JAK2: variants seen among roughly 807,000 people sequenced by gnomAD.
JAK2 encodes Janus kinase 2.
A neutral mutation model predicts 139.3 loss-of-function variants in JAK2; 86 were observed. The ratio of observed to expected loss-of-function variants is 0.62; its 90% confidence interval spans 0.52 to 0.74. JAK2 has a LOEUF of 0.74. Among genes scored for constraint, JAK2 ranks in the 30% least tolerant of loss-of-function variants. The pLI is 0.00. For missense variants in JAK2, 1,421 were observed against 1,360.3 expected (o/e 1.04, Z -0.70); for synonymous variants, 490 against 437.7 (o/e 1.12, Z -1.49).
chr9:5,024,052 C>T (rs947822994), intron 3 of JAK2, among the ~76,000 whole-genome samples: 6 of 151,912 alleles, frequency 3.9e-5, no homozygotes, highest in Non-Finnish European at 7.4e-5. Context: ...ATCAGGAGAT[C>T]GAGATCATCC....
intron 2 of JAK2, among the ~76,000 whole-genome samples, chr9:4,993,227 C>G (rs1410776793): frequency 6.6e-6 from 1 of 152,110 alleles, no homozygotes; most frequent in East Asian, 1.9e-4. Context: ...GGGACAACAC[C>G]CTTAAGATCC....
intron 8 of JAK2, among the ~76,000 whole-genome samples, chr9:5,063,664 T>C (rs7036476): frequency 0.34 from 51,756 of 152,098 alleles, 9,402 homozygotes; most frequent in African/African-American, 0.48. Context: ...TGGTTAATCT[T>C]CTATATATTT....
Position 5,112,863 on chromosome 9 carries a change from G to A in JAK2, c.3060-10141G>A, listed in dbSNP as rs1464213381. The A allele has an allele frequency of 1.5e-5, 7 of 461,420 alleles. No homozygotes were observed. The East Asian group carries it at 1.9e-4, about 13-fold the overall frequency. 28.6% of individuals were successfully genotyped at this position (461,420 alleles called of 1,614,324 possible). On this transcript the variant is annotated intron_variant, in intron 22 of 24. Coordinates refer to ENST00000381652, the MANE Select transcript of JAK2 (RefSeq NM_004972.4). ...GGGCACGTGTGAAAGGTACGCCTCCGTGGGACGAGCCACCCGCCCTCAGCC... is the reference window on the plus strand; with the variant it reads ...GGGCACGTGTGAAAGGTACGCCTCCATGGGACGAGCCACCCGCCCTCAGCC...
intron 2 of JAK2, among the ~76,000 whole-genome samples, chr9:5,013,361 T>C (rs1000336962): frequency 1.3e-5 from 2 of 152,234 alleles, no homozygotes; most frequent in Non-Finnish European, 2.9e-5. Flanking sequence ...AAAATTTTGG[T>C]ATACTAAAGA....
At chr9:5,074,405 G>T (rs143285975) in intron 14 of JAK2, among the ~76,000 whole-genome samples, 4,922 of 152,182 alleles carry the variant, frequency 0.032, 107 homozygotes, top group Non-Finnish European at 0.049. Flanking sequence ...TTTCCCAACA[G>T]CATGTGCTCA....
intron 8 of JAK2, among the ~76,000 whole-genome samples, chr9:5,062,447 C>T (rs1224785697): frequency 7.5e-6 from 1 of 133,314 alleles, no homozygotes; most frequent in Admixed American, 8.5e-5. Flanking sequence ...GGAAAAATTG[C>T]ACTGATAGAC....
chr9:4,994,350 A>G (rs1820439357), intron 2 of JAK2, among the ~76,000 whole-genome samples: 1 of 152,198 alleles, frequency 6.6e-6, no homozygotes, highest in Non-Finnish European at 1.5e-5. Context: ...GGTTCTTATC[A>G]GAATTACCTA....
Position 5,016,040 on chromosome 9 carries a change from T to C in JAK2, c.-25-5923T>C, listed in dbSNP as rs1302505001. Among the ~76,000 whole-genome samples, 6 of 152,214 alleles carry C rather than the reference T, an allele frequency of 3.9e-5. No individual in the cohort carries two copies. In the East Asian group the frequency reaches 9.6e-4, roughly 24 times the overall value. On this transcript the variant is annotated intron_variant, in intron 2 of 24. Coordinates refer to ENST00000381652, the MANE Select transcript of JAK2 (RefSeq NM_004972.4). ...GTAGGCATTGGAGACAGTTTTGCTCTTGTGGTACAACATGGATGACTAGAG... is the reference window on the plus strand; with the variant it reads ...GTAGGCATTGGAGACAGTTTTGCTCCTGTGGTACAACATGGATGACTAGAG...
chr9:5,012,488 C>A (rs1243231792), intron 2 of JAK2, among the ~76,000 whole-genome samples: 3 of 152,070 alleles, frequency 2.0e-5, no homozygotes, highest in Non-Finnish European at 4.4e-5. Context: ...TGTTATTTAT[C>A]ATTTCCTTGG....
intron 19 of JAK2, chr9:5,085,233 G>C (rs2130641243): frequency 1.5e-6 from 1 of 670,656 alleles, no homozygotes; most frequent in East Asian, 3.4e-5. Context: ...AGGCAAATAG[G>C]ACAGGACCAG....
chr9:5,101,911 A>G (rs1015469637), intron 22 of JAK2, among the ~76,000 whole-genome samples: 1 of 152,224 alleles, frequency 6.6e-6, no homozygotes, highest in Non-Finnish European at 1.5e-5. Flanking sequence ...CCAGCACCAA[A>G]GACCAAAAGT....
intron 22 of JAK2, chr9:5,112,000 C>T (rs1449654837): frequency 5.3e-6 from 2 of 379,032 alleles, no homozygotes; most frequent in East Asian, 7.5e-5. Context: ...CTGGGAGGGA[C>T]GTCGCACTAG....
At chr9:5,026,689 C>T (rs1822804725) in intron 3 of JAK2, among the ~76,000 whole-genome samples, 1 of 151,920 alleles carries the variant, frequency 6.6e-6, no homozygotes, top group South Asian at 2.1e-4. Context: ...TTTGAGTTCA[C>T]GTGATTGTTG....
intron 2 of JAK2, among the ~76,000 whole-genome samples, chr9:5,016,938 A>G (rs184393920): frequency 2.2e-4 from 34 of 152,370 alleles, no homozygotes; most frequent in African/African-American, 8.2e-4. Context: ...TTCCTAGAAT[A>G]GAAAAAAGAC....
chr9:4,995,581 C>A (rs1355306357), intron 2 of JAK2, among the ~76,000 whole-genome samples: 4 of 152,126 alleles, frequency 2.6e-5, no homozygotes, highest in African/African-American at 9.7e-5. Flanking sequence ...TATTTCTGGA[C>A]TTTGTTTCAT....
At position 5,031,427 on chromosome 9, in the gene JAK2, G is replaced by A. The variant is rs543560592; in HGVS notation, c.350+1521G>A. Among the ~76,000 whole-genome samples the A allele has an allele frequency of 3.9e-5, 6 of 152,276 alleles. No homozygotes were observed. The South Asian group carries it at 1.0e-3, about 26-fold the overall frequency. On this transcript the variant is annotated intron_variant, in intron 4 of 24. Coordinates refer to ENST00000381652, the MANE Select transcript of JAK2 (RefSeq NM_004972.4). ...TTGAAAGTACTCCTTCATACATATA[G>A]AAACATAATAATATGAAGAAATCTT...
chr9:5,064,060 A>T (rs976769774), intron 8 of JAK2, among the ~76,000 whole-genome samples: 2 of 152,026 alleles, frequency 1.3e-5, no homozygotes, highest in Non-Finnish European at 2.9e-5. Flanking sequence ...GGAGACTGAG[A>T]CAGGAGAATC....
At position 5,127,939 on chromosome 9, in the gene JAK2, A is replaced by C; in HGVS notation, c.*1148A>C. 1 of 232,454 alleles carries C rather than the reference A, an allele frequency of 4.3e-6. No individual in the cohort carries two copies. Among genetic ancestry groups the C allele is most frequent in the East Asian group, 6.0e-5 (1 of 16,588 alleles). 14.4% of individuals were successfully genotyped at this position (232,454 alleles called of 1,614,324 possible). A position where few individuals can be genotyped will look rare whatever the true frequency, so the allele number is the denominator to read the frequency against. On this transcript the variant is annotated 3_prime_UTR_variant, in exon 25 of 25. Coordinates refer to ENST00000381652, the MANE Select transcript of JAK2 (RefSeq NM_004972.4). ...ATTTTATTCAAGAATGCCAGTAGAA[A>C]ATTCATAACGTGTATCTTTAAGAAA... is the stretch of plus-strand genomic sequence containing the variant.
chr9:5,127,135 A>C lies in JAK2; in HGVS notation c.*344A>C, dbSNP rs1824050168. ...ATTATTATGTAAATTTTGCAATGTT[A>C]AAGATGCACAGAATATGTATGTATA... On this transcript the variant is annotated 3_prime_UTR_variant, in exon 25 of 25. Coordinates refer to ENST00000381652, the MANE Select transcript of JAK2 (RefSeq NM_004972.4). 3.7e-6 allele frequency: 1 copy of C among 268,328 alleles called. No homozygotes were observed. Among genetic ancestry groups the C allele is most frequent in the South Asian group, 9.6e-5 (1 of 10,466 alleles). The allele number at this position is 268,328 out of a possible 1,614,324, so 16.6% of individuals were successfully genotyped here.
Sources: gnomAD v4.1 joint callset for allele counts (sites outside exome capture counted in the v4.1 genomes callset) on GRCh38, gnomAD v4.1.1 for gene constraint, MANE v1.5 for transcripts, NCBI Gene and HGNC (gene_info 2026-07-23, HGNC 2026-07-21) for gene names.